PPFIA2: variants seen among roughly 807,000 people sequenced by gnomAD.
The protein encoded by PPFIA2 is liprin-alpha-2.
In PPFIA2, 46 loss-of-function variants were observed where a neutral mutation model predicts 175.5. The ratio of observed to expected loss-of-function variants is 0.26; its 90% confidence interval spans 0.21 to 0.34. The LOEUF (loss-of-function observed/expected upper bound fraction) is 0.34. Among genes scored for constraint, PPFIA2 ranks in the 10% least tolerant of loss-of-function variants. PPFIA2 has a pLI of 1.00. For missense variants in PPFIA2, 1,179 were observed against 1,506.1 expected, an observed-to-expected ratio of 0.78 and a Z score of 3.60; for synonymous variants, 568 against 511.4, an observed-to-expected ratio of 1.11 and a Z score of -1.49.
intron 4 of PPFIA2, among the ~76,000 whole-genome samples, chr12:81,633,257 T>C (rs952439148): frequency 6.6e-6 from 1 of 152,090 alleles, no homozygotes; most frequent in African/African-American, 2.4e-5. Context: ...GGGATTTCTC[T>C]TTCTTATCCA....
At chr12:81,665,181 T>C (rs1464534138) in intron 4 of PPFIA2, among the ~76,000 whole-genome samples, 1 of 151,996 alleles carries the variant, frequency 6.6e-6, no homozygotes, top group South Asian at 2.1e-4. Context: ...AAACTTCAAG[T>C]GTAATAAAAA....
chr12:81,299,649 T>C (rs964797885), intron 22 of PPFIA2, among the ~76,000 whole-genome samples: 4 of 152,224 alleles, frequency 2.6e-5, no homozygotes, highest in African/African-American at 4.8e-5. Context: ...GAATTAGAAG[T>C]GGAATTATAT....
At chr12:81,628,389 T>C (rs531845304) in intron 4 of PPFIA2, among the ~76,000 whole-genome samples, 2 of 148,162 alleles carry the variant, frequency 1.3e-5, no homozygotes, top group South Asian at 4.4e-4. Context: ...TTTTTTTTTT[T>C]TTTTTTTTGA....
chr12:81,641,563 T>C (rs1401537359), intron 4 of PPFIA2, among the ~76,000 whole-genome samples: 3 of 152,170 alleles, frequency 2.0e-5, no homozygotes, highest in Admixed American at 2.0e-4. Context: ...CACGGGCCAC[T>C]GCTGCCTATT....
chr12:81,684,289 G>A (rs2074116104), intron 3 of PPFIA2, among the ~76,000 whole-genome samples: 1 of 152,088 alleles, frequency 6.6e-6, no homozygotes, highest in Non-Finnish European at 1.5e-5. Flanking sequence ...ATGATTTATA[G>A]AGGTATGGAT....
At chr12:81,387,486 A>C (rs1239751966) in intron 8 of PPFIA2, among the ~76,000 whole-genome samples, 1 of 152,178 alleles carries the variant, frequency 6.6e-6, no homozygotes, top group African/African-American at 2.4e-5. Context: ...AATGGCAAGA[A>C]GTACTGTAAG....
chr12:81,668,509 T>C (rs1008390994), intron 4 of PPFIA2, among the ~76,000 whole-genome samples: 1 of 152,070 alleles, frequency 6.6e-6, no homozygotes, highest in East Asian at 1.9e-4. Flanking sequence ...GTACTTGATA[T>C]ATTGCTGAAA....
chr12:81,510,681 G>A (rs565580851), intron 4 of PPFIA2, among the ~76,000 whole-genome samples: 17 of 152,166 alleles, frequency 1.1e-4, no homozygotes, highest in African/African-American at 3.6e-4. Flanking sequence ...ATAACCCGTG[G>A]AATTTCTGAT....
intron 4 of PPFIA2, among the ~76,000 whole-genome samples, chr12:81,517,682 AG>A (rs1358761117): frequency 6.6e-6 from 1 of 152,148 alleles, no homozygotes; most frequent in Non-Finnish European, 1.5e-5. Flanking sequence ...CAATTCTTCA[AG>A]GACCATTAAA....
chr12:81,553,492 C>A (rs1296202733), intron 4 of PPFIA2, among the ~76,000 whole-genome samples: 1 of 152,034 alleles, frequency 6.6e-6, no homozygotes, highest in Non-Finnish European at 1.5e-5. Flanking sequence ...TAGCATGTGG[C>A]AGAAGTTGGT....
intron 23 of PPFIA2, among the ~76,000 whole-genome samples, chr12:81,295,661 T>C (rs1201401296): frequency 6.6e-6 from 1 of 152,074 alleles, no homozygotes; most frequent in Non-Finnish European, 1.5e-5. Flanking sequence ...ATTGAAAAAC[T>C]AAAGAAAGCA....
At chr12:81,455,751 G>A (rs2053466816) in intron 5 of PPFIA2, among the ~76,000 whole-genome samples, 1 of 152,204 alleles carries the variant, frequency 6.6e-6, no homozygotes, top group Non-Finnish European at 1.5e-5. Flanking sequence ...GCTGTAGTAA[G>A]TCTTTGAGTA....
At chr12:81,588,804 T>C (rs1257895563) in intron 4 of PPFIA2, among the ~76,000 whole-genome samples, 1 of 152,102 alleles carries the variant, frequency 6.6e-6, no homozygotes, top group Non-Finnish European at 1.5e-5. Context: ...GAAACCACTG[T>C]TTCAGTAGCT....
At chr12:81,676,191 G>GA (rs1224424280) in intron 4 of PPFIA2, among the ~76,000 whole-genome samples, 3 of 151,962 alleles carry the variant, frequency 2.0e-5, no homozygotes, top group African/African-American at 7.2e-5. Flanking sequence ...GATATACTTT[G>GA]AATTTATTTT....
At chr12:81,553,633 G>T (rs2068325633) in intron 4 of PPFIA2, among the ~76,000 whole-genome samples, 1 of 152,084 alleles carries the variant, frequency 6.6e-6, no homozygotes, top group African/African-American at 2.4e-5. Flanking sequence ...AGGAGCCATA[G>T]AGGAGCACTG....
chr12:81,736,054 C>T (rs1345900197), intron 3 of PPFIA2, among the ~76,000 whole-genome samples: 1 of 151,730 alleles, frequency 6.6e-6, no homozygotes, highest in Non-Finnish European at 1.5e-5. Flanking sequence ...ATCCTTGGTC[C>T]TTTGTCTTTC....
At chr12:81,309,897 A>C (rs1332665161) in intron 22 of PPFIA2, among the ~76,000 whole-genome samples, 3 of 152,096 alleles carry the variant, frequency 2.0e-5, no homozygotes, top group Non-Finnish European at 4.4e-5. Flanking sequence ...ATATGATTGA[A>C]TCATACAATT....
At chr12:81,604,897 G>A (rs1338043729) in intron 4 of PPFIA2, among the ~76,000 whole-genome samples, 1 of 151,544 alleles carries the variant, frequency 6.6e-6, no homozygotes, top group Non-Finnish European at 1.5e-5. Flanking sequence ...AACTTAAAAC[G>A]GAGTAAATTA....
intron 3 of PPFIA2, among the ~76,000 whole-genome samples, chr12:81,682,047 T>G (rs536811161): frequency 2.0e-5 from 3 of 152,060 alleles, no homozygotes; most frequent in Non-Finnish European, 4.4e-5. Context: ...ATGGGCATTT[T>G]AAAATTTCAG....
Sources: gnomAD v4.1 joint callset for allele counts (sites outside exome capture counted in the v4.1 genomes callset) on GRCh38, gnomAD v4.1.1 for gene constraint, MANE v1.5 for transcripts, NCBI Gene and HGNC (gene_info 2026-07-23, HGNC 2026-07-21) for gene names.